LMBRD1: variants seen among roughly 807,000 people sequenced by gnomAD.
LMBRD1 encodes lysosomal cobalamin transport escort protein LMBD1.
A neutral mutation model predicts 74.8 loss-of-function variants in LMBRD1; 64 were observed. The observed-to-expected ratio is 0.86, with a 90% CI of 0.70 to 1.05. The LOEUF (loss-of-function observed/expected upper bound fraction) is 1.05, where lower values mean the gene tolerates loss of function less well. LMBRD1 is among the 50% of genes least tolerant of loss of function. The pLI is 0.00. For synonymous variants in LMBRD1, 204 were observed against 216.3 expected (o/e 0.94, Z 0.50); for missense variants, 652 against 645.9 (o/e 1.01, Z -0.10).
intron 14 of LMBRD1, among the ~76,000 whole-genome samples, chr6:69,685,801 AAAAC>A (rs1475420731): frequency 2.0e-5 from 3 of 152,256 alleles, no homozygotes; most frequent in South Asian, 2.1e-4. Flanking sequence ...CTCCGTCTCA[AAAAC>A]AAACAAACAA....
chr6:69,775,004 AGGGAGGGAGGGAGGGAGGGAGG>A (rs1562121799), intron 3 of LMBRD1, among the ~76,000 whole-genome samples: 11 of 41,252 alleles, frequency 2.7e-4, no homozygotes, highest in South Asian at 1.4e-3. Flanking sequence ...GGAGGGAGGG[AGGGAGGGAGGGAGGGAGGGAGG>A]GAGGGAGGGA....
chr6:69,684,394 T>C (rs1765721103), intron 14 of LMBRD1, among the ~76,000 whole-genome samples: 1 of 150,506 alleles, frequency 6.6e-6, no homozygotes, highest in Non-Finnish European at 1.5e-5. Flanking sequence ...AAATAGAAAA[T>C]AGAAAGAAAC....
At chr6:69,712,474 G>C (rs1026731792) in intron 9 of LMBRD1, among the ~76,000 whole-genome samples, 1 of 150,756 alleles carries the variant, frequency 6.6e-6, no homozygotes, top group Non-Finnish European at 1.5e-5. Flanking sequence ...GTTTCTCACA[G>C]TTTTAACAAC....
At chr6:69,684,827 A>G (rs1765730656) in intron 14 of LMBRD1, among the ~76,000 whole-genome samples, 1 of 152,166 alleles carries the variant, frequency 6.6e-6, no homozygotes, top group Admixed American at 6.5e-5. Flanking sequence ...TTTCAGGTCA[A>G]TACAATGGGT....
In LMBRD1 at chr6:69,767,616, A is replaced by C. The variant is rs570397001; in HGVS notation, c.307+12878T>G. The stretch of plus-strand genomic sequence containing the variant: ...ACTGATAATTATTTTATAACCTATC[A>C]TATAGTCTATACTGAAGAATGTTCT... On this transcript the variant is annotated intron_variant, in intron 3 of 15. Transcript: ENST00000649934. Among the ~76,000 whole-genome samples, 4 of 151,992 alleles carry C rather than the reference A, an allele frequency of 2.6e-5. No individual in the cohort carries two copies. The South Asian group carries it at 8.3e-4, about 31-fold the overall frequency.
chr6:69,796,053 T>C (rs903186712), intron 1 of LMBRD1, among the ~76,000 whole-genome samples: 2 of 152,222 alleles, frequency 1.3e-5, no homozygotes, highest in Non-Finnish European at 2.9e-5. Flanking sequence ...CAAAGGGTTT[T>C]AATATGAACA....
At chr6:69,728,264 C>A (rs1037068263) in intron 7 of LMBRD1, among the ~76,000 whole-genome samples, 1 of 152,126 alleles carries the variant, frequency 6.6e-6, no homozygotes, top group African/African-American at 2.4e-5. Context: ...GGTGCTAAAC[C>A]ATTAGACACT....
chr6:69,769,684 T>C (rs1022603046), intron 3 of LMBRD1, among the ~76,000 whole-genome samples: 2 of 152,090 alleles, frequency 1.3e-5, no homozygotes, highest in Non-Finnish European at 2.9e-5. Context: ...CTATAAAATC[T>C]GTTTTCCACA....
intron 7 of LMBRD1, among the ~76,000 whole-genome samples, chr6:69,726,214 AG>A (rs1766732057): frequency 6.6e-6 from 1 of 152,208 alleles, no homozygotes; most frequent in South Asian, 2.1e-4. Flanking sequence ...TTTATCTAAA[AG>A]TCAGGCAACA....
chr6:69,750,248 T>C (rs146973168), intron 4 of LMBRD1, among the ~76,000 whole-genome samples: 1,983 of 151,618 alleles, frequency 0.013, 41 homozygotes, highest in African/African-American at 0.046. Context: ...ATTCTCATAA[T>C]AACTCTAAGA....
At chr6:69,731,802 G>A (rs185803521) in intron 7 of LMBRD1, among the ~76,000 whole-genome samples, 1 of 152,128 alleles carries the variant, frequency 6.6e-6, no homozygotes, top group East Asian at 1.9e-4. Context: ...TAACTCCACT[G>A]TAAGTCAAAA....
chr6:69,686,664 C>T (rs1316882540), intron 14 of LMBRD1, among the ~76,000 whole-genome samples: 1 of 152,146 alleles, frequency 6.6e-6, no homozygotes, highest in Non-Finnish European at 1.5e-5. Context: ...ATTGGCTCTA[C>T]CTTCAAAATA....
In LMBRD1 at chr6:69,733,477, GGTAA is replaced by G. The variant is rs528595927; in HGVS notation, c.636+4461_636+4464del. On this transcript the variant is annotated intron_variant, in intron 7 of 15. Coordinates refer to ENST00000649934, the MANE Select transcript of LMBRD1 (RefSeq NM_018368.4). ...TTCACTGAATTTTTACTAAAATTTC[GGTAA>G]GTATTATTGGCTCATTTTTACAGAT... Among the ~76,000 whole-genome samples, 190 of 152,062 alleles carry G rather than the reference GGTAA, an allele frequency of 1.2e-3. 1 individual carries two copies. The highest frequency in any genetic ancestry group is 3.2e-3 in the African/African-American group (133 of 41,464).
intron 3 of LMBRD1, among the ~76,000 whole-genome samples, chr6:69,764,309 T>G (rs1225830090): frequency 1.3e-5 from 2 of 150,752 alleles, no homozygotes; most frequent in Non-Finnish European, 3.0e-5. Flanking sequence ...GAGACCAGAG[T>G]ACATGCGCTA....
intron 3 of LMBRD1, among the ~76,000 whole-genome samples, chr6:69,764,902 C>T (rs1339407192): frequency 6.6e-6 from 1 of 151,010 alleles, no homozygotes; most frequent in Admixed American, 6.6e-5. Flanking sequence ...TTAAGGTCAC[C>T]AAGATTGTAT....
intron 2 of LMBRD1, among the ~76,000 whole-genome samples, chr6:69,789,858 G>A (rs1291027708): frequency 2.6e-5 from 4 of 152,340 alleles, no homozygotes; most frequent in Admixed American, 6.5e-5. Context: ...AAGGTCCACA[G>A]CTAGACAGTT....
At chr6:69,791,020 C>A (rs2149898091) in intron 1 of LMBRD1, among the ~76,000 whole-genome samples, 1 of 152,278 alleles carries the variant, frequency 6.6e-6, no homozygotes, top group African/African-American at 2.4e-5. Flanking sequence ...AAAGTCAATG[C>A]TGAAAATGGA....
chr6:69,699,310 A>G, intron 12 of LMBRD1, 118 bp from the exon 13 acceptor site: 1 of 889,950 alleles, frequency 1.1e-6, no homozygotes, highest in Non-Finnish European at 1.8e-6. Context: ...TTTTTCTTCC[A>G]AAGTAAATAC....
intron 12 of LMBRD1, 135 bp from the exon 13 acceptor site, chr6:69,699,327 T>C: frequency 1.3e-6 from 1 of 742,626 alleles, no homozygotes; most frequent in South Asian, 1.7e-5. Context: ...ATACTAAAAG[T>C]TCTTAATCAT....
Sources: gnomAD v4.1 joint callset for allele counts (sites outside exome capture counted in the v4.1 genomes callset) on GRCh38, gnomAD v4.1.1 for gene constraint, MANE v1.5 for transcripts, NCBI Gene and HGNC (gene_info 2026-07-23, HGNC 2026-07-21) for gene names.